ENPEP: variants seen among roughly 807,000 people sequenced by gnomAD.
The protein encoded by ENPEP is glutamyl aminopeptidase.
In ENPEP, 103 loss-of-function variants were observed where a neutral mutation model predicts 114.5. The ratio of observed to expected loss-of-function variants is 0.90; its 90% confidence interval spans 0.77 to 1.06. The LOEUF is 1.06. ENPEP is among the 50% of genes least tolerant of loss of function. The pLI is 0.00. For synonymous variants in ENPEP, 420 were observed against 422.0 expected (o/e 1.00, Z 0.06); for missense variants, 1,196 against 1,161.3 (o/e 1.03, Z -0.43).
chr4:110,537,779 A>C (rs1254600345), intron 11 of ENPEP, among the ~76,000 whole-genome samples: 1 of 152,224 alleles, frequency 6.6e-6, no homozygotes, highest in East Asian at 1.9e-4. Context: ...AAATAACAAG[A>C]CTTGAAAGTC....
Position 110,482,385 on chromosome 4 carries a change from G to T in ENPEP, c.644+5327G>T, listed in dbSNP as rs559903788. On this transcript the variant is annotated intron_variant, in intron 1 of 19. Transcript: ENST00000265162. ...TTGGAAATAGGTGGGAAGTAGCCAGGTTAGAAGGGAAGGTCGTAAGTTCAG... is the reference window on the plus strand; with the variant it reads ...TTGGAAATAGGTGGGAAGTAGCCAGTTTAGAAGGGAAGGTCGTAAGTTCAG... 5.3e-5 allele frequency among the ~76,000 whole-genome samples: 8 copies of T among 152,300 alleles called. No homozygotes were observed. The South Asian group carries it at 1.7e-3, about 32-fold the overall frequency.
Position 110,531,209 on chromosome 4 carries a change from A to C in ENPEP, c.1739A>C (p.Asn580Thr). The C allele has an allele frequency of 1.4e-6, 2 of 1,473,714 alleles. No homozygotes were observed. The highest frequency in any genetic ancestry group is 1.8e-6 in the Non-Finnish European group (2 of 1,097,586). 91.3% of individuals were successfully genotyped at this position (1,473,714 alleles called of 1,614,324 possible). A position where few individuals can be genotyped will look rare whatever the true frequency, so the allele number is the denominator to read the frequency against. Residue 580 changes from asparagine (N) to threonine (T), a missense_variant, in exon 11 of 20, where the codon AAT becomes ACT. Asn to Thr is a moderately conservative substitution (Grantham distance 65). Coordinates refer to ENST00000265162, the MANE Select transcript of ENPEP (RefSeq NM_001977.4). ...TAAAAAAATTTTAGTTATACATGGAATATCCCAGTTAAATGGACTGAAGAT... is the reference window on the plus strand; with the variant it reads ...TAAAAAAATTTTAGTTATACATGGACTATCCCAGTTAAATGGACTGAAGAT... The part of the protein sequence containing the change: ...QPPSDLGYTW[N>T]IPVKWTEDNI...
At chr4:110,528,512 A>G (rs575196751) in intron 10 of ENPEP, among the ~76,000 whole-genome samples, 2 of 152,298 alleles carry the variant, frequency 1.3e-5, no homozygotes, top group Admixed American at 1.3e-4. Context: ...TTCTATAAAT[A>G]TTTTCTCACT....
At chr4:110,555,210 C>T (rs1017383001) in intron 18 of ENPEP, among the ~76,000 whole-genome samples, 1 of 151,906 alleles carries the variant, frequency 6.6e-6, no homozygotes, top group Non-Finnish European at 1.5e-5. Context: ...TTTCAAATGG[C>T]CCCAAATGTA....
chr4:110,541,123 G>C (rs1726831957), intron 11 of ENPEP, among the ~76,000 whole-genome samples: 1 of 152,042 alleles, frequency 6.6e-6, no homozygotes, highest in Non-Finnish European at 1.5e-5. Context: ...CTTGTCCATG[G>C]GAGGATGACA....
At position 110,521,344 on chromosome 4, in the gene ENPEP, A is replaced by G. The variant is rs568765872; in HGVS notation, c.1727+978A>G. Among the ~76,000 whole-genome samples, 16 of 152,116 alleles carry G rather than the reference A, an allele frequency of 1.1e-4. No individual in the cohort carries two copies. In the South Asian group the frequency reaches 2.9e-3, roughly 28 times the overall value. ...CAGTGAGCCATGATCACAACACTGC[A>G]CTCCAGCCTAGGTGACAGAGCAAGA... On this transcript the variant is annotated intron_variant, in intron 10 of 19. Coordinates refer to ENST00000265162, the MANE Select transcript of ENPEP (RefSeq NM_001977.4).
intron 4 of ENPEP, among the ~76,000 whole-genome samples, chr4:110,509,189 C>T (rs752647385): frequency 3.3e-5 from 5 of 152,168 alleles, no homozygotes; most frequent in Non-Finnish European, 5.9e-5. Flanking sequence ...ATTGGTATTT[C>T]TATCAATATT....
chr4:110,553,743 C>A (rs192112144), intron 18 of ENPEP, among the ~76,000 whole-genome samples: 2 of 152,010 alleles, frequency 1.3e-5, no homozygotes, highest in African/African-American at 2.4e-5. Flanking sequence ...ACAATTCTGC[C>A]TGTTGTGCTA....
chr4:110,561,282 T>G, intron 19 of ENPEP, 124 bp from the exon 20 acceptor site: 1 of 961,192 alleles, frequency 1.0e-6, no homozygotes, highest in South Asian at 1.5e-5. Context: ...GAGGTGTAGC[T>G]CAACGTTGTG....
Position 110,510,278 on chromosome 4 carries a change from G to A in ENPEP, c.1228G>A (p.Glu410Lys). The change falls in exon 6 of 20, where the codon GAA becomes AAA. Residue 410 changes from glutamate (E) to lysine (K), a missense_variant. Coordinates refer to ENST00000265162, the MANE Select transcript of ENPEP (RefSeq NM_001977.4). ...AAATATTGTGACCATGGACTGGTGGGAAGACTTGTGGCTAAATGAAGGATT... is the reference window on the plus strand; with the variant it reads ...AAATATTGTGACCATGGACTGGTGGAAAGACTTGTGGCTAAATGAAGGATT... ...FGNIVTMDWW[E>K]DLWLNEGFAS... 4 of 1,614,158 alleles carry A rather than the reference G, an allele frequency of 2.5e-6. No individual in the cohort carries two copies. Among genetic ancestry groups the A allele is most frequent in the Non-Finnish European group, 2.5e-6 (3 of 1,180,022 alleles).
chr4:110,545,453 C>T (rs1727020080), intron 13 of ENPEP, among the ~76,000 whole-genome samples: 1 of 151,950 alleles, frequency 6.6e-6, no homozygotes, highest in Non-Finnish European at 1.5e-5. Flanking sequence ...TTCTCCCTGC[C>T]CCCAGCTTAG....
chr4:110,550,317 A>G (rs1008981606), intron 17 of ENPEP, among the ~76,000 whole-genome samples: 4 of 152,112 alleles, frequency 2.6e-5, no homozygotes, highest in African/African-American at 9.7e-5. Context: ...AATTCTCCTC[A>G]TAATCCAGAA....
intron 3 of ENPEP, among the ~76,000 whole-genome samples, chr4:110,502,250 A>G (rs1213604796): frequency 6.6e-6 from 1 of 152,074 alleles, no homozygotes; most frequent in Non-Finnish European, 1.5e-5. Flanking sequence ...TACTCTATTG[A>G]TAGTTCCTTT....
At chr4:110,488,952 C>T (rs1407328584) in intron 2 of ENPEP, among the ~76,000 whole-genome samples, 2 of 152,182 alleles carry the variant, frequency 1.3e-5, no homozygotes, top group African/African-American at 4.8e-5. Flanking sequence ...CTCTGCTTAG[C>T]TGCCAGGATC....
chr4:110,545,561 G>A (rs1215722112), intron 13 of ENPEP, among the ~76,000 whole-genome samples: 2 of 152,008 alleles, frequency 1.3e-5, no homozygotes, highest in Non-Finnish European at 2.9e-5. Context: ...TCACCGTGCT[G>A]CCTCTGGTTT....
chr4:110,549,989 A>C, intron 17 of ENPEP, 103 bp downstream of exon 17: 1 of 1,154,506 alleles, frequency 8.7e-7, no homozygotes, highest in Non-Finnish European at 1.2e-6. Context: ...GTTTCCAAAA[A>C]AATCCATTAA....
chr4:110,519,754 T>C (rs367554638), intron 8 of ENPEP, among the ~76,000 whole-genome samples: 1 of 152,154 alleles, frequency 6.6e-6, no homozygotes, highest in Admixed American at 6.5e-5. Context: ...TTTTTAAGGC[T>C]CATAAACTAA....
chr4:110,514,885 A>G (rs1560559988), intron 7 of ENPEP, among the ~76,000 whole-genome samples: 1 of 152,274 alleles, frequency 6.6e-6, no homozygotes, highest in East Asian at 1.9e-4. Flanking sequence ...TTATATGCCT[A>G]AATTATGTAT....
chr4:110,542,641 T>C lies in ENPEP; in HGVS notation c.1808-110T>C. ...TGGATCCAAATCAAACCTGCCTCCT[T>C]GAGCTAATATTTCTTTTCTTTTATT... On this transcript the variant is annotated intron_variant, in intron 11 of 19. Transcript: ENST00000265162. 5.2e-6 allele frequency: 6 copies of C among 1,147,452 alleles called. No homozygotes were observed. The South Asian group carries it at 1.2e-4, about 23-fold the overall frequency. 71.1% of individuals were successfully genotyped at this position (1,147,452 alleles called of 1,614,324 possible).
Sources: gnomAD v4.1 joint callset for allele counts (sites outside exome capture counted in the v4.1 genomes callset) on GRCh38, gnomAD v4.1.1 for gene constraint, MANE v1.5 for transcripts, NCBI Gene and HGNC (gene_info 2026-07-23, HGNC 2026-07-21) for gene names.